MICU1: variants seen among roughly 807,000 people sequenced by gnomAD.
MICU1 encodes mitochondrial calcium uptake 1, also known as calcium uptake protein 1, mitochondrial.
In MICU1, 45 loss-of-function variants were observed where a neutral mutation model predicts 56.8. The ratio of observed to expected loss-of-function variants is 0.79; its 90% CI spans 0.62 to 1.02. The LOEUF (loss-of-function observed/expected upper bound fraction) is 1.02, where lower values mean the gene tolerates loss of function less well. MICU1 is among the 50% of genes least tolerant of loss of function. The pLI is 0.00. For missense variants in MICU1, 504 were observed against 587.1 expected, an observed-to-expected ratio of 0.86 and a Z score of 1.46; for synonymous variants, 186 against 195.1, an observed-to-expected ratio of 0.95 and a Z score of 0.39.
At chr10:72,554,406 G>A (rs1407355793) in intron 3 of MICU1, among the ~76,000 whole-genome samples, 5 of 152,202 alleles carry the variant, frequency 3.3e-5, no homozygotes, top group South Asian at 4.2e-4. Flanking sequence ...GAGTCTGATC[G>A]AGCCTCAGAA....
At chr10:72,566,045 T>C (rs1840427524) in intron 2 of MICU1, among the ~76,000 whole-genome samples, 2 of 140,494 alleles carry the variant, frequency 1.4e-5, no homozygotes, top group Admixed American at 7.1e-5. Flanking sequence ...TTTTCTTTTT[T>C]TTTTTTTTTT....
intron 5 of MICU1, chr10:72,523,989 C>A (rs1454258033): frequency 1.6e-6 from 2 of 1,277,216 alleles, no homozygotes; most frequent in Non-Finnish European, 2.0e-6. Context: ...CAAAGTGCAA[C>A]CAAGCAACTG....
intron 1 of MICU1, among the ~76,000 whole-genome samples, chr10:72,608,230 C>T (rs778544781): frequency 7.9e-5 from 12 of 152,042 alleles, no homozygotes; most frequent in Non-Finnish European, 1.2e-4. Context: ...CACCAAGCCC[C>T]GCTAATTTTT....
intron 6 of MICU1, among the ~76,000 whole-genome samples, chr10:72,501,245 AAAGAGGG>A (rs563972032): frequency 5.6e-4 from 86 of 152,284 alleles, no homozygotes; most frequent in Non-Finnish European, 9.7e-4. Context: ...AGTTAGGAGT[AAAGAGGG>A]GATACAAATA....
Position 72,533,753 on chromosome 10 carries a change from T to C in MICU1, c.530A>G (p.Asp177Gly). The stretch of plus-strand genomic sequence containing the variant: ...GTGTCATAGTTTGCTCACCTTTCCA[T>C]CAAAGCGTTTTATTATATATTGATC... ...GLDQYIIKRF[D>G]GKKISQEREK... Residue 177 changes from aspartate to glycine, a missense_variant, in exon 5 of 12, where the codon GAT becomes GGT. Physicochemically the swap from Asp to Gly is moderately conservative, Grantham distance 94. Coordinates refer to ENST00000361114, the MANE Select transcript of MICU1 (RefSeq NM_001195518.2). 2 of 1,601,970 alleles carry C rather than the reference T, an allele frequency of 1.2e-6. No individual in the cohort carries two copies. Among genetic ancestry groups the C allele is most frequent in the Non-Finnish European group, 1.7e-6 (2 of 1,172,870 alleles).
intron 1 of MICU1, among the ~76,000 whole-genome samples, chr10:72,607,560 C>G (rs1176330722): frequency 8.0e-5 from 12 of 149,776 alleles, no homozygotes; most frequent in Non-Finnish European, 1.8e-4. Context: ...TCGCTTGAAC[C>G]TGGGAGGCAG....
rs1863827425 is a variant in MICU1, at chr10:72,411,891, T to C, written c.1072-3854A>G. On this transcript the variant is annotated intron_variant, in intron 9 of 11. Transcript: ENST00000361114. ...CAATCTAAACTGAATGGCTATTCAT[T>C]TGGTGATTCAGAAAAACAGTGGGCT... Among the ~76,000 whole-genome samples the C allele has an allele frequency of 2.0e-5, 3 of 152,174 alleles. No individual in the cohort carries two copies. The South Asian group carries it at 6.2e-4, about 32-fold the overall frequency.
intron 11 of MICU1, among the ~76,000 whole-genome samples, chr10:72,371,964 G>A (rs1862358131): frequency 1.3e-5 from 2 of 151,766 alleles, no homozygotes; most frequent in African/African-American, 4.8e-5. Context: ...GCTGAAGTGG[G>A]AGAATTGCTT....
intron 6 of MICU1, among the ~76,000 whole-genome samples, chr10:72,486,169 A>T (rs1866468576): frequency 1.3e-5 from 2 of 152,202 alleles, no homozygotes; most frequent in South Asian, 4.1e-4. Context: ...GAAATACAAG[A>T]AAACTAAAAC....
At chr10:72,469,681 C>T (rs933992106) in intron 8 of MICU1, among the ~76,000 whole-genome samples, 19 of 152,190 alleles carry the variant, frequency 1.2e-4, no homozygotes, top group African/African-American at 3.9e-4. Context: ...AGGCACAGTG[C>T]ATGCCCAGTG....
Position 72,508,148 on chromosome 10 carries a change from T to C in MICU1, c.652+7A>G. On this transcript the variant is annotated splice_region_variant and intron_variant, in intron 6 of 11. Coordinates refer to ENST00000361114, the MANE Select transcript of MICU1 (RefSeq NM_001195518.2). Reference sequence around the variant, plus strand: ...TACAAATGGAAAAAGAAAACGTTTATACTTACTGGAAAGAACAGTTGTGAG... The same window carrying C: ...TACAAATGGAAAAAGAAAACGTTTACACTTACTGGAAAGAACAGTTGTGAG... 1 of 1,440,796 alleles carries C rather than the reference T, an allele frequency of 6.9e-7. No individual in the cohort carries two copies. 89.3% of individuals were successfully genotyped at this position (1,440,796 alleles called of 1,614,324 possible).
chr10:72,393,445 A>G (rs981856467), intron 10 of MICU1, among the ~76,000 whole-genome samples: 2 of 152,246 alleles, frequency 1.3e-5, no homozygotes, highest in Non-Finnish European at 2.9e-5. Context: ...CGCTTGAGGT[A>G]GAAACAACCG....
chr10:72,513,243 A>G (rs1564912188), intron 5 of MICU1, among the ~76,000 whole-genome samples: 1 of 152,176 alleles, frequency 6.6e-6, no homozygotes, highest in Non-Finnish European at 1.5e-5. Flanking sequence ...AAAAATTATA[A>G]CCATCCTCAT....
At chr10:72,420,848 GTA>G (rs1864136042) in intron 9 of MICU1, among the ~76,000 whole-genome samples, 1 of 150,050 alleles carries the variant, frequency 6.7e-6, no homozygotes, top group South Asian at 2.1e-4. Flanking sequence ...GCTAGTTTTT[GTA>G]TTTTTTGTGG....
chr10:72,611,132 G>C (rs1164466082), intron 1 of MICU1, among the ~76,000 whole-genome samples: 1 of 150,976 alleles, frequency 6.6e-6, no homozygotes, highest in South Asian at 2.1e-4. Context: ...GTGAAACCCC[G>C]TGTCTACTAA....
chr10:72,577,435 G>A (rs566485967), intron 1 of MICU1, among the ~76,000 whole-genome samples: 19 of 152,000 alleles, frequency 1.3e-4, no homozygotes, highest in Admixed American at 2.0e-4. Flanking sequence ...CTTGAACCCG[G>A]GAGGCGGAGG....
intron 10 of MICU1, among the ~76,000 whole-genome samples, chr10:72,399,706 T>C (rs1260679033): frequency 1.3e-5 from 2 of 152,168 alleles, no homozygotes; most frequent in African/African-American, 4.8e-5. Context: ...CTCACGCCTG[T>C]AATCCCAGCA....
intron 9 of MICU1, among the ~76,000 whole-genome samples, chr10:72,419,215 C>T (rs536676233): frequency 6.6e-6 from 1 of 152,344 alleles, no homozygotes; most frequent in African/African-American, 2.4e-5. Flanking sequence ...AATAAACGAG[C>T]ATGTCTGAAT....
At chr10:72,511,836 G>A (rs1867460527) in intron 5 of MICU1, among the ~76,000 whole-genome samples, 1 of 152,110 alleles carries the variant, frequency 6.6e-6, no homozygotes, top group Non-Finnish European at 1.5e-5. Flanking sequence ...CAGCAGAAAA[G>A]TCTGCCCCAG....
Sources: allele counts gnomAD v4.1 joint callset (sites outside exome capture counted in the v4.1 genomes callset), GRCh38; gene constraint gnomAD v4.1.1; transcripts MANE v1.5; gene names NCBI Gene and HGNC (gene_info 2026-07-23, HGNC 2026-07-21).